The following CCND2 variants were observed in gnomAD, a reference collection of about 807,000 sequenced individuals.
CCND2 encodes cyclin D2.
In CCND2, 6 loss-of-function variants were observed where a neutral mutation model predicts 30.2. That is an observed-to-expected ratio of 0.20 (90% CI 0.11 to 0.39). The LOEUF is 0.39. Ranked by LOEUF, CCND2 falls within the 10% of genes least tolerant of loss-of-function variation. CCND2 has a pLI of 1.00. For missense variants in CCND2, 235 were observed against 373.4 expected, an observed-to-expected ratio of 0.63 and a Z score of 3.06; for synonymous variants, 150 against 153.1, an observed-to-expected ratio of 0.98 and a Z score of 0.15.
At position 4,303,059 on chromosome 12, in the gene CCND2, G is replaced by A. The variant is rs1053967454; in HGVS notation, c.*3050G>A. On this transcript the variant is annotated 3_prime_UTR_variant, in exon 5 of 5. Coordinates refer to ENST00000261254, the MANE Select transcript of CCND2 (RefSeq NM_001759.4). The surrounding 1 kb of genome is among the most constrained non-coding windows in gnomAD (Gnocchi z 4.6). Reference sequence around the variant, plus strand: ...AAACCGAGGTGCAAATTCATTTCATGGTGACTGACCCTTGAGCTTAAACAG... The same window carrying A: ...AAACCGAGGTGCAAATTCATTTCATAGTGACTGACCCTTGAGCTTAAACAG... The A allele has an allele frequency of 4.3e-6, 1 of 233,196 alleles. No individual in the cohort carries two copies. Among genetic ancestry groups the A allele is most frequent in the African/African-American group, 2.2e-5 (1 of 45,338 alleles). The allele number at this position is 233,196 out of a possible 1,614,324, so 14.4% of individuals were successfully genotyped here. A position where few individuals can be genotyped will look rare whatever the true frequency, so the allele number is the denominator to read the frequency against.
At position 4,303,173 on chromosome 12, in the gene CCND2, A is replaced by T. The variant is rs1864274299; in HGVS notation, c.*3164A>T. 4.3e-6 allele frequency: 1 copy of T among 233,294 alleles called. No homozygotes were observed. The highest frequency in any genetic ancestry group is 8.5e-6 in the Non-Finnish European group (1 of 118,142). 14.5% of individuals were successfully genotyped at this position (233,294 alleles called of 1,614,324 possible). ...GTCTGTAACTTTCCACTCTTCCTGT[A>T]GTCCCGAGGCCCCTGGGTCCTTCTA... On this transcript the variant is annotated 3_prime_UTR_variant, in exon 5 of 5. Coordinates refer to ENST00000261254, the MANE Select transcript of CCND2 (RefSeq NM_001759.4). The surrounding 1 kb of genome is among the most constrained non-coding windows in gnomAD (Gnocchi z 4.6).
At chr12:4,286,170 T>A (rs985884923) in intron 3 of CCND2, among the ~76,000 whole-genome samples, 2 of 152,214 alleles carry the variant, frequency 1.3e-5, no homozygotes, top group African/African-American at 4.8e-5. Context: ...TATTTACTCT[T>A]AACGACATAC....
At position 4,274,115 on chromosome 12, in the gene CCND2, C is replaced by T; in HGVS notation, c.75C>T (p.Arg25=). 2 of 1,614,064 alleles carry T rather than the reference C, an allele frequency of 1.2e-6. No individual in the cohort carries two copies. The highest frequency in any genetic ancestry group is 1.7e-6 in the Non-Finnish European group (2 of 1,179,982). ...ACCGCAACCTGCTCCGAGACGACCG[C>T]GTCCTGCAGAACCTGCTCACCATCG... The part of the protein sequence containing the change: ...VRDRNLLRDD[R]VLQNLLTIEE... The change falls in exon 1 of 5, where the codon CGC becomes CGT. Residue 25 remains arginine, a synonymous_variant. Transcript: ENST00000261254. This position sits in a 1 kb window ranked among gnomAD's most constrained non-coding sequence, Gnocchi z 7.7.
intron 2 of CCND2, among the ~76,000 whole-genome samples, chr12:4,277,918 T>TC (rs968058049): frequency 6.6e-6 from 1 of 152,250 alleles, no homozygotes; most frequent in Admixed American, 6.5e-5. Flanking sequence ...GAGCACAGTT[T>TC]CCCGTAAGTA....
chr12:4,298,768 G>A (rs1426533587), intron 4 of CCND2, among the ~76,000 whole-genome samples: 9 of 152,190 alleles, frequency 5.9e-5, no homozygotes, highest in South Asian at 2.1e-4. Context: ...GAAAATGCCC[G>A]TTAGAAGCAA....
chr12:4,297,567 TC>T (rs369272496), intron 4 of CCND2, among the ~76,000 whole-genome samples: 11,771 of 97,102 alleles, frequency 0.12, 630 homozygotes, highest in South Asian at 0.15. Flanking sequence ...CAACACTCTG[TC>T]TCAAAAAAAA....
intron 3 of CCND2, among the ~76,000 whole-genome samples, chr12:4,281,549 C>A (rs914247459): frequency 1.3e-5 from 2 of 151,880 alleles, no homozygotes; most frequent in South Asian, 4.2e-4. Flanking sequence ...CTCCTTTTCT[C>A]GCAGTCCTGG....
chr12:4,281,858 T>A (rs1302054651), intron 3 of CCND2, among the ~76,000 whole-genome samples: 3 of 151,710 alleles, frequency 2.0e-5, no homozygotes, highest in African/African-American at 4.8e-5. Context: ...GGAGCCCTCC[T>A]TCCTTCCCTG....
At chr12:4,294,745 G>T (rs1056698480) in intron 4 of CCND2, among the ~76,000 whole-genome samples, 12 of 152,176 alleles carry the variant, frequency 7.9e-5, no homozygotes, top group Admixed American at 7.2e-4. Context: ...AGGGCATTTG[G>T]CTATTTGATT....
At position 4,285,339 on chromosome 12, in the gene CCND2, G is replaced by A; in HGVS notation, c.572-3503G>A. 2.0e-6 allele frequency: 2 copies of A among 985,354 alleles called. No homozygotes were observed. Among genetic ancestry groups the A allele is most frequent in the Non-Finnish European group, 2.4e-6 (2 of 829,908 alleles). 61.0% of individuals were successfully genotyped at this position (985,354 alleles called of 1,614,324 possible). A position where few individuals can be genotyped will look rare whatever the true frequency, so the allele number is the denominator to read the frequency against. On this transcript the variant is annotated intron_variant, in intron 3 of 4. Transcript: ENST00000261254. This position sits in a 1 kb window ranked among gnomAD's most constrained non-coding sequence, Gnocchi z 4.1. ...CAGGTGGGCAATTAACGATGGCGAG[G>A]GCACACCCTCACCCCTGAGCGTGCC...
At chr12:4,277,857 C>G (rs1314373380) in intron 2 of CCND2, among the ~76,000 whole-genome samples, 1 of 152,260 alleles carries the variant, frequency 6.6e-6, no homozygotes, top group Non-Finnish European at 1.5e-5. Context: ...GGCATATTTT[C>G]TGGTAGCACA....
chr12:4,279,056 T>C (rs564261350), intron 3 of CCND2, 137 bp downstream of exon 3: 2 of 751,726 alleles, frequency 2.7e-6, no homozygotes, highest in South Asian at 2.2e-5. Flanking sequence ...GTCTAAAGTC[T>C]GAAGTTTCAT....
intron 3 of CCND2, among the ~76,000 whole-genome samples, chr12:4,284,468 G>A (rs1344795476): frequency 1.3e-5 from 2 of 152,218 alleles, no homozygotes; most frequent in African/African-American, 4.8e-5. Flanking sequence ...CCTAGGCCCT[G>A]GGACGGCCTC....
chr12:4,292,355 C>T (rs1864112651), intron 4 of CCND2, among the ~76,000 whole-genome samples: 1 of 152,096 alleles, frequency 6.6e-6, no homozygotes, highest in African/African-American at 2.4e-5. Context: ...CCCCCAGAGC[C>T]CCTGAAGTTA....
intron 3 of CCND2, among the ~76,000 whole-genome samples, chr12:4,281,694 G>A (rs1164036613): frequency 6.6e-6 from 1 of 152,174 alleles, no homozygotes; most frequent in East Asian, 1.9e-4. Context: ...AGCTGGTTGT[G>A]AAAGAGCTGG....
At chr12:4,280,933 G>A (rs538227321) in intron 3 of CCND2, among the ~76,000 whole-genome samples, 2 of 152,322 alleles carry the variant, frequency 1.3e-5, no homozygotes, top group East Asian at 1.9e-4. Context: ...CTCGAAAACC[G>A]GGGATCCCAT....
In CCND2 at chr12:4,282,865, C is replaced by T. The variant is rs908286687; in HGVS notation, c.571+3946C>T. On this transcript the variant is annotated intron_variant, in intron 3 of 4. Coordinates refer to ENST00000261254, the MANE Select transcript of CCND2 (RefSeq NM_001759.4). The surrounding 1 kb of genome is among the most constrained non-coding windows in gnomAD (Gnocchi z 4.3). ...GGCAGATGAGGTGCGTGCCCAGTGACGTCCCTGGCCTGTGAACACTCTGGT... is the reference window on the plus strand; with the variant it reads ...GGCAGATGAGGTGCGTGCCCAGTGATGTCCCTGGCCTGTGAACACTCTGGT... Among the ~76,000 whole-genome samples the T allele has an allele frequency of 2.6e-5, 4 of 152,222 alleles. No homozygotes were observed. Among genetic ancestry groups the T allele is most frequent in the African/African-American group, 7.2e-5 (3 of 41,454 alleles).
chr12:4,299,635 C>T lies in CCND2; in HGVS notation c.721-225C>T, dbSNP rs1206393121. Among the ~76,000 whole-genome samples, 2 of 152,170 alleles carry T rather than the reference C, an allele frequency of 1.3e-5. No homozygotes were observed. Among genetic ancestry groups the T allele is most frequent in the South Asian group, 2.1e-4 (1 of 4,830 alleles). ...TCGGCCTGGGTTGACTGAGATTCTGCGGTTCCAACAAGCTCGCAGGTGATG... is the reference window on the plus strand; with the variant it reads ...TCGGCCTGGGTTGACTGAGATTCTGTGGTTCCAACAAGCTCGCAGGTGATG... On this transcript the variant is annotated intron_variant, in intron 4 of 4. Transcript: ENST00000261254. This position sits in a 1 kb window ranked among gnomAD's most constrained non-coding sequence, Gnocchi z 5.2.
rs1449067414 is a variant in CCND2 at position 4,274,179 on chromosome 12, G to A, written c.139G>A (p.Val47Met). ...TCCGCAGTGCTCCTACTTCAAGTGC[G>A]TGCAGAAGGACATCCAACCCTACAT... ...YLPQCSYFKCVQKDIQPYMRR... is the reference protein window; with the variant it reads ...YLPQCSYFKCMQKDIQPYMRR... The change falls in exon 1 of 5, where the codon GTG becomes ATG. Residue 47 changes from valine to methionine, a missense_variant. Coordinates refer to ENST00000261254, the MANE Select transcript of CCND2 (RefSeq NM_001759.4). The surrounding 1 kb of genome is among the most constrained non-coding windows in gnomAD (Gnocchi z 7.7). 6.2e-7 allele frequency: 1 copy of A among 1,614,100 alleles called. No homozygotes were observed. The highest frequency in any genetic ancestry group is 8.5e-7 in the Non-Finnish European group (1 of 1,179,972).
Sources: allele counts gnomAD v4.1 joint callset (sites outside exome capture counted in the v4.1 genomes callset), GRCh38; gene constraint gnomAD v4.1.1; non-coding constraint Gnocchi (gnomAD v3.1); transcripts MANE v1.5; gene names NCBI Gene and HGNC (gene_info 2026-07-23, HGNC 2026-07-21).